Variants in CDC42BPA observed in about 807,000 individuals in gnomAD.
The protein encoded by CDC42BPA is CDC42 binding protein kinase alpha, also known as serine/threonine-protein kinase MRCK alpha.
CDC42BPA carries 80 observed loss-of-function variants against 223.5 expected under a neutral mutation model. The observed-to-expected ratio is 0.36, with a 90% CI of 0.30 to 0.43. CDC42BPA has a LOEUF of 0.43. CDC42BPA is among the 20% of genes least tolerant of loss of function. The pLI is 1.00. For missense variants in CDC42BPA, 1,743 were observed against 2,099.9 expected (o/e 0.83, Z 3.32); for synonymous variants, 694 against 718.6 (o/e 0.97, Z 0.55).
intron 1 of CDC42BPA, among the ~76,000 whole-genome samples, chr1:227,292,261 G>A (rs11801885): frequency 0.31 from 46,763 of 151,982 alleles, 7,374 homozygotes; most frequent in East Asian, 0.37. Flanking sequence ...GATTACAGGC[G>A]TGAGCCACCA....
At chr1:227,079,204 T>C (rs931226791) in intron 17 of CDC42BPA, among the ~76,000 whole-genome samples, 2 of 152,176 alleles carry the variant, frequency 1.3e-5, no homozygotes, top group Non-Finnish European at 2.9e-5. Context: ...GTAGGGTTAA[T>C]AACAGCTTTC....
intron 11 of CDC42BPA, among the ~76,000 whole-genome samples, chr1:227,121,812 T>C (rs1688715966): frequency 6.6e-6 from 1 of 151,262 alleles, no homozygotes; most frequent in Non-Finnish European, 1.5e-5. Context: ...CTTTTTTTTT[T>C]TTTTTGGAGA....
At chr1:227,293,059 TCA>T (rs1427414375) in intron 1 of CDC42BPA, among the ~76,000 whole-genome samples, 1 of 152,192 alleles carries the variant, frequency 6.6e-6, no homozygotes, top group African/African-American at 2.4e-5. Flanking sequence ...TTTAACTGTA[TCA>T]AAACATTTTA....
At chr1:227,174,400 T>C (rs894509639) in intron 5 of CDC42BPA, among the ~76,000 whole-genome samples, 1 of 152,128 alleles carries the variant, frequency 6.6e-6, no homozygotes, top group East Asian at 1.9e-4. Flanking sequence ...TGCCAAATCA[T>C]ACCCACAAAT....
intron 3 of CDC42BPA, among the ~76,000 whole-genome samples, chr1:227,206,935 TTTA>T (rs201721193): frequency 0.06 from 9,076 of 152,022 alleles, 273 homozygotes; most frequent in Non-Finnish European, 0.072. Flanking sequence ...ATTATTTTAT[TTTA>T]TTATTATTAT....
At position 227,112,352 on chromosome 1, in the gene CDC42BPA, T is replaced by C; in HGVS notation, c.1961A>G (p.His654Arg). ...TTCATTTTCCAGTTGCTTAGAATAG[T>C]GCTCACTCTGTTCACGTAGCTTCCT... Reference protein sequence around the residue: ...KDRKLREQSEHYSKQLENELE... With the variant: ...KDRKLREQSERYSKQLENELE... Residue 654 changes from histidine (H) to arginine (R), a missense_variant, in exon 14 of 37, where the codon CAC becomes CGC. His to Arg is a conservative substitution (Grantham distance 29). Around this residue, in one of 6 missense-constraint regions of CDC42BPA, gnomAD observed 464 missense variants for 488.0 expected, o/e 0.95. Transcript: ENST00000366766. The C allele has an allele frequency of 1.2e-6, 2 of 1,607,262 alleles. No individual in the cohort carries two copies. Among genetic ancestry groups the C allele is most frequent in the Admixed American group, 1.7e-5 (1 of 58,816 alleles).
intron 22 of CDC42BPA, among the ~76,000 whole-genome samples, chr1:227,048,936 C>A (rs940083578): frequency 1.3e-4 from 19 of 151,854 alleles, no homozygotes; most frequent in Admixed American, 1.2e-3. Flanking sequence ...ATACAACAAT[C>A]TATCTTTGTT....
intron 5 of CDC42BPA, among the ~76,000 whole-genome samples, chr1:227,178,925 A>C (rs59116340): frequency 6.6e-6 from 1 of 152,104 alleles, no homozygotes; most frequent in Non-Finnish European, 1.5e-5. Context: ...TGCTATGAGC[A>C]TGTACACTTT....
rs550226761 is a variant in CDC42BPA, at chr1:227,019,214, A to G, written c.4616-2164T>C. Among the ~76,000 whole-genome samples the G allele has an allele frequency of 2.0e-5, 3 of 152,318 alleles. No homozygotes were observed. The East Asian group carries it at 5.8e-4, about 29-fold the overall frequency. ...TTGTTTTTTCAACAATGTTCTTAAC[A>G]TCTTCACCATGAGTAGATTCCATTT... is the stretch of plus-strand genomic sequence containing the variant. On this transcript the variant is annotated intron_variant, in intron 32 of 36. Transcript: ENST00000366766.
At chr1:227,063,660 G>A (rs893592274) in intron 21 of CDC42BPA, among the ~76,000 whole-genome samples, 3 of 152,144 alleles carry the variant, frequency 2.0e-5, no homozygotes, top group African/African-American at 7.2e-5. Context: ...GATAGAAATT[G>A]TAAAAACAAG....
intron 6 of CDC42BPA, among the ~76,000 whole-genome samples, chr1:227,155,655 G>A (rs1283552799): frequency 6.6e-6 from 1 of 152,126 alleles, no homozygotes; most frequent in East Asian, 1.9e-4. Flanking sequence ...GAGAGTTTGA[G>A]GATAAATTGG....
At chr1:227,153,451 C>G (rs994694936) in intron 6 of CDC42BPA, among the ~76,000 whole-genome samples, 12 of 151,806 alleles carry the variant, frequency 7.9e-5, no homozygotes, top group Admixed American at 7.9e-4. Context: ...TAGAAGAATT[C>G]TAACTTAAGT....
intron 24 of CDC42BPA, among the ~76,000 whole-genome samples, chr1:227,037,763 T>C (rs1258714020): frequency 2.0e-5 from 3 of 152,238 alleles, no homozygotes; most frequent in Admixed American, 6.5e-5. Flanking sequence ...ATCTTCAGAA[T>C]GTTCATGGAA....
intron 1 of CDC42BPA, among the ~76,000 whole-genome samples, chr1:227,314,933 ATATTCT>A (rs1360960881): frequency 2.6e-5 from 4 of 152,158 alleles, no homozygotes; most frequent in South Asian, 2.1e-4. Context: ...CAATTTGGAA[ATATTCT>A]TAGTCTTAAC....
intron 35 of CDC42BPA, among the ~76,000 whole-genome samples, chr1:227,003,484 C>A (rs1663320815): frequency 6.6e-6 from 1 of 152,192 alleles, no homozygotes; most frequent in African/African-American, 2.4e-5. Context: ...ACAATGATCA[C>A]TTGATAATCT....
chr1:227,013,519 G>A (rs761673149), intron 34 of CDC42BPA, among the ~76,000 whole-genome samples: 4 of 151,910 alleles, frequency 2.6e-5, no homozygotes, highest in Non-Finnish European at 5.9e-5. Context: ...AGTCTTATTG[G>A]ATATGAAGGT....
intron 34 of CDC42BPA, among the ~76,000 whole-genome samples, chr1:227,006,316 C>T (rs537008230): frequency 2.0e-5 from 3 of 152,290 alleles, no homozygotes; most frequent in East Asian, 1.9e-4. Context: ...CCTTCATTGG[C>T]TGTTTGTGAG....
chr1:227,039,110 C>T (rs565244995), intron 24 of CDC42BPA, among the ~76,000 whole-genome samples: 1 of 152,248 alleles, frequency 6.6e-6, no homozygotes, highest in Admixed American at 6.5e-5. Flanking sequence ...CATTAGGCAT[C>T]CACCTTACAG....
chr1:227,175,799 C>T (rs955713450), intron 5 of CDC42BPA, among the ~76,000 whole-genome samples: 8 of 152,158 alleles, frequency 5.3e-5, no homozygotes, highest in Non-Finnish European at 1.2e-4. Flanking sequence ...TGTACACTTC[C>T]TATCTAGATC....
Sources: gnomAD v4.1 joint callset for allele counts (sites outside exome capture counted in the v4.1 genomes callset) on GRCh38, gnomAD v4.1.1 for gene constraint, gnomAD v4.1.1 regional missense constraint, MANE v1.5 for transcripts, NCBI Gene and HGNC (gene_info 2026-07-23, HGNC 2026-07-21) for gene names.